L3MBTL1: variants seen among roughly 807,000 people sequenced by gnomAD.
L3MBTL1 encodes the protein lethal(3)malignant brain tumor-like protein 1.
Under a neutral mutation model 105.3 loss-of-function variants are expected in L3MBTL1, and 75 were observed. The ratio of observed to expected loss-of-function variants is 0.71; its 90% CI spans 0.59 to 0.86. The LOEUF (loss-of-function observed/expected upper bound fraction) is 0.86. Ranked by LOEUF, L3MBTL1 falls within the 40% of genes least tolerant of loss-of-function variation. L3MBTL1 has a pLI of 0.00. For missense variants in L3MBTL1, 1,069 were observed against 1,126.4 expected, an observed-to-expected ratio of 0.95 and a Z score of 0.73; for synonymous variants, 452 against 436.2, an observed-to-expected ratio of 1.04 and a Z score of -0.45.
At chr20:43,550,751 T>C (rs930178398) in exon 19 of L3MBTL1, 3 of 152,248 alleles carry the variant, frequency 2.0e-5, no homozygotes, top group African/African-American at 7.2e-5. Context: ...GAAGCCTTTT[T>C]TGCACTTTCA....
intron 18 of L3MBTL1, among the ~76,000 whole-genome samples, chr20:43,547,531 C>T (rs1978696839): frequency 6.6e-6 from 1 of 152,202 alleles, no homozygotes. Flanking sequence ...GATCCAAAGG[C>T]TGGGTTAGAC....
chr20:43,536,003 G>GGTCCACCAAAACA, intron 17 of L3MBTL1, 67 bp downstream of exon 17: 1 of 1,587,474 alleles, frequency 6.3e-7, no homozygotes, highest in Non-Finnish European at 8.6e-7. Context: ...AGGCGACTGG[G>GGTCCACCAAAACA]GTCCACCAAA....
At chr20:43,507,904 A>G (rs1017376721) in intron 1 of L3MBTL1, among the ~76,000 whole-genome samples, 160 bp downstream of exon 1, 1 of 152,058 alleles carries the variant, frequency 6.6e-6, no homozygotes, top group African/African-American at 2.4e-5. Context: ...AGGTTCGGGA[A>G]AACGCCGGGG....
At chr20:43,530,139 C>G in intron 9 of L3MBTL1, 145 bp from the exon 10 acceptor site, 1 of 937,432 alleles carries the variant, frequency 1.1e-6, no homozygotes, top group Middle Eastern at 3.2e-4. Flanking sequence ...GGGTGGGGTA[C>G]AATTGGGAGG....
In L3MBTL1 at chr20:43,541,029, A is replaced by G. The variant is rs1292396540; in HGVS notation, c.2490A>G (p.Glu830=). 6.2e-7 allele frequency: 1 copy of G among 1,614,086 alleles called. No homozygotes were observed. Among genetic ancestry groups the G allele is most frequent in the African/African-American group, 1.3e-5 (1 of 74,928 alleles). ...TTGTGTGCTCAGATCATCTTCAGGA[A>G]GGAAAAGGCATCCTGGAGACAGGAG... The part of the protein sequence containing the change: ...GDLVCSDHLQ[E]GKGILETGVH... Residue 830 remains glutamate (E), a synonymous_variant, in exon 22 of 22, where the codon GAA becomes GAG. Coordinates refer to ENST00000418998, the MANE Select transcript of L3MBTL1 (RefSeq NM_001377303.1).
intron 6 of L3MBTL1, 142 bp downstream of exon 6, chr20:43,515,557 T>C (rs926666871): frequency 3.0e-5 from 33 of 1,104,502 alleles, no homozygotes; most frequent in Non-Finnish European, 4.1e-5. Flanking sequence ...TGGGGTCCCA[T>C]CCTGAGTTAG....
chr20:43,535,781 C>A, intron 16 of L3MBTL1, 56 bp from the exon 17 acceptor site: 1 of 1,176,806 alleles, frequency 8.5e-7, no homozygotes, highest in Non-Finnish European at 1.2e-6. Flanking sequence ...CCTTCCGTGC[C>A]CCACACTCCC....
At chr20:43,512,980 G>A (rs1376493892) in intron 1 of L3MBTL1, among the ~76,000 whole-genome samples, 1 of 152,184 alleles carries the variant, frequency 6.6e-6, no homozygotes, top group Non-Finnish European at 1.5e-5. Context: ...AACATGATCA[G>A]GAAAGATCCC....
chr20:43,527,627 G>C (rs996772324), intron 7 of L3MBTL1, among the ~76,000 whole-genome samples: 1 of 147,500 alleles, frequency 6.8e-6, no homozygotes, highest in African/African-American at 2.5e-5. Flanking sequence ...TGTGGAATCA[G>C]TATATCCACT....
rs747703276 is a variant in L3MBTL1, at chr20:43,515,135, G to C, written c.629G>C (p.Gly210Ala). 6.2e-7 allele frequency: 1 copy of C among 1,614,160 alleles called. No homozygotes were observed. The highest frequency in any genetic ancestry group is 1.7e-5 in the Admixed American group (1 of 60,010). ...AGPDLGSSNDGCPQLFQERSV... is the reference protein window; with the variant it reads ...AGPDLGSSNDACPQLFQERSV... The stretch of plus-strand genomic sequence containing the variant: ...CCAGATCTTGGTTCCTCTAATGATG[G>C]CTGCCCTCAGCTGTTCCAGGAGCGG... Residue 210 changes from glycine (G) to alanine (A), a missense_variant, in exon 5 of 22, where the codon GGC becomes GCC. By Grantham distance (60) the Gly-to-Ala change is moderately conservative. Coordinates refer to ENST00000418998, the MANE Select transcript of L3MBTL1 (RefSeq NM_001377303.1).
chr20:43,525,534 G>A (rs557230679), intron 7 of L3MBTL1, among the ~76,000 whole-genome samples: 1 of 151,366 alleles, frequency 6.6e-6, no homozygotes, highest in South Asian at 2.1e-4. Context: ...GGGTACCTAT[G>A]TATAGTGCAC....
At chr20:43,540,129 A>AGCCTCT (rs1351064366) in intron 19 of L3MBTL1, 22 bp from the exon 20 acceptor site, 35 of 1,608,772 alleles carry the variant, frequency 2.2e-5, no homozygotes, top group Non-Finnish European at 2.7e-5. Context: ...TTGGCCTGCC[A>AGCCTCT]GCCTCTGCCT....
At chr20:43,535,081 C>T (rs991672625) in intron 16 of L3MBTL1, 139 bp downstream of exon 16, 6 of 610,032 alleles carry the variant, frequency 9.8e-6, no homozygotes, top group Non-Finnish European at 1.7e-5. Context: ...TTCCAGAATC[C>T]CCCATCTGCC....
At chr20:43,529,197 C>A in intron 8 of L3MBTL1, 67 bp from the exon 9 acceptor site, 1 of 1,285,916 alleles carries the variant, frequency 7.8e-7, no homozygotes, top group Non-Finnish European at 1.1e-6. Context: ...GCTCCTTCAC[C>A]CCAAGCCCAC....
chr20:43,521,836 C>T (rs1040228034), intron 7 of L3MBTL1, among the ~76,000 whole-genome samples: 11 of 152,308 alleles, frequency 7.2e-5, no homozygotes, highest in African/African-American at 2.2e-4. Context: ...TGCAGGCATA[C>T]GCCACTGCAC....
chr20:43,514,070 C>A lies in L3MBTL1; in HGVS notation c.360+9C>A. ...CAGGGGGCGGCCTGCGGGTCAGTGT[C>A]TGTGGGGATTGGCTAAGCCTCGTAA... On this transcript the variant is annotated intron_variant, in intron 3 of 21. Transcript: ENST00000418998. 1 of 1,530,634 alleles carries A rather than the reference C, an allele frequency of 6.5e-7. No homozygotes were observed. The highest frequency in any genetic ancestry group is 8.7e-7 in the Non-Finnish European group (1 of 1,143,988). 94.8% of individuals were successfully genotyped at this position (1,530,634 alleles called of 1,614,324 possible). A position where few individuals can be genotyped will look rare whatever the true frequency, so the allele number is the denominator to read the frequency against.
chr20:43,532,609 GA>G, intron 11 of L3MBTL1, 163 bp from the exon 12 acceptor site: 13 of 709,726 alleles, frequency 1.8e-5, no homozygotes, highest in Non-Finnish European at 3.0e-5. Context: ...CTCAGGTTAT[GA>G]TTCTGCCCTG....
chr20:43,527,547 G>T (rs2019096729), intron 7 of L3MBTL1, among the ~76,000 whole-genome samples: 1 of 145,852 alleles, frequency 6.9e-6, no homozygotes, highest in Non-Finnish European at 1.5e-5. Context: ...CATAGTGTAT[G>T]TGTGTTAGTG....
At position 43,528,905 on chromosome 20, in the gene L3MBTL1, C is replaced by A. The variant is rs1048420592; in HGVS notation, c.951+160C>A. ...TTAGGGGCCCAGAGTGGAAAAGGGC[C>A]CCCCATAAGGGGCTGGCAGGGTGGG... is the stretch of plus-strand genomic sequence containing the variant. On this transcript the variant is annotated intron_variant, in intron 8 of 21. Coordinates refer to ENST00000418998, the MANE Select transcript of L3MBTL1 (RefSeq NM_001377303.1). 3 of 646,130 alleles carry A rather than the reference C, an allele frequency of 4.6e-6. No homozygotes were observed. In the African/African-American group the frequency reaches 5.4e-5, roughly 12 times the overall value. 40.0% of individuals were successfully genotyped at this position (646,130 alleles called of 1,614,324 possible).
Sources: allele counts gnomAD v4.1 joint callset (sites outside exome capture counted in the v4.1 genomes callset), GRCh38; gene constraint gnomAD v4.1.1; transcripts MANE v1.5; gene names NCBI Gene and HGNC (gene_info 2026-07-23, HGNC 2026-07-21).